The following EBF4 variants were observed in gnomAD, a reference collection of about 807,000 sequenced individuals.
EBF4 encodes the protein transcription factor COE4.
In EBF4, 34 loss-of-function variants were observed where a neutral mutation model predicts 67.1. That is an observed-to-expected ratio of 0.51 (90% CI 0.39 to 0.67). EBF4 has a LOEUF of 0.67. Among genes scored for constraint, EBF4 ranks in the 30% least tolerant of loss-of-function variants. The probability of loss-of-function intolerance (pLI) is 0.00; values close to 1 mark genes in which losing one functional copy is unlikely to be tolerated. For missense variants in EBF4, 837 were observed against 873.3 expected (o/e 0.96, Z 0.52); for synonymous variants, 387 against 377.7 (o/e 1.02, Z -0.29).
In EBF4 at chr20:2,745,041, G is replaced by C. The variant is rs768778937; in HGVS notation, c.558-3508G>C. 6.6e-6 allele frequency among the ~76,000 whole-genome samples: 1 copy of C among 152,186 alleles called. No homozygotes were observed. Among genetic ancestry groups the C allele is most frequent in the Non-Finnish European group, 1.5e-5 (1 of 68,044 alleles). ...ACACTGCAAGGGTTCATGCCGCGTGGGGCTGGTGGCTATAGTAATGGGTAG... is the reference window on the plus strand; with the variant it reads ...ACACTGCAAGGGTTCATGCCGCGTGCGGCTGGTGGCTATAGTAATGGGTAG... On this transcript the variant is annotated intron_variant, in intron 6 of 16. Transcript: ENST00000609451. This position sits in a 1 kb window ranked among gnomAD's most constrained non-coding sequence, Gnocchi z 5.2.
Position 2,744,970 on chromosome 20 carries a change from T to C in EBF4, c.558-3579T>C, listed in dbSNP as rs185911220. On this transcript the variant is annotated intron_variant, in intron 6 of 16. Coordinates refer to ENST00000609451, the Ensembl canonical transcript of EBF4. ...TCTTTTTTTCTAAGTCTTGGAAATC[T>C]GATGTGTGTTTTACACTTACAGCAC... Among the ~76,000 whole-genome samples, 334 of 152,382 alleles carry C rather than the reference T, an allele frequency of 2.2e-3. 1 individual carries two copies. The highest frequency in any genetic ancestry group is 3.9e-3 in the Non-Finnish European group (264 of 68,038).
intron 1 of EBF4, among the ~76,000 whole-genome samples, chr20:2,698,028 C>G (rs1160313110): frequency 6.6e-6 from 1 of 152,210 alleles, no homozygotes; most frequent in Admixed American, 6.5e-5. Flanking sequence ...GATTCTCAGC[C>G]TGGGACCTGG....
intron 1 of EBF4, among the ~76,000 whole-genome samples, chr20:2,697,437 C>T (rs1006408250): frequency 3.0e-4 from 46 of 151,674 alleles, no homozygotes; most frequent in Non-Finnish European, 5.9e-4. Context: ...CCCAGCTACT[C>T]AGGAGGCTGA....
At chr20:2,759,440 A>C, downstream of EBF4, 1 of 214,628 alleles carries the variant, frequency 4.7e-6, no homozygotes, top group South Asian at 8.7e-5. Context: ...TAGCAGCCCC[A>C]CAGGCTTCTC....
At chr20:2,728,139 A>G (rs933661459) in intron 6 of EBF4, among the ~76,000 whole-genome samples, 8 of 152,240 alleles carry the variant, frequency 5.3e-5, no homozygotes, top group East Asian at 1.9e-4. Context: ...CATTTATTGT[A>G]TAAGTTGCAC....
chr20:2,745,780 A>G lies in EBF4; in HGVS notation c.558-2769A>G, dbSNP rs1302433072. ...TTCATGGGTGTGGAAGGATTTACCT[A>G]CCCCGGGTCATGCAGAGAGTCCAGG... On this transcript the variant is annotated intron_variant, in intron 6 of 16. Transcript: ENST00000609451. This position sits in a 1 kb window ranked among gnomAD's most constrained non-coding sequence, Gnocchi z 5.2. Among the ~76,000 whole-genome samples the G allele has an allele frequency of 6.6e-6, 1 of 152,034 alleles. No homozygotes were observed. Among genetic ancestry groups the G allele is most frequent in the African/African-American group, 2.4e-5 (1 of 41,394 alleles).
At position 2,752,233 on chromosome 20, in the gene EBF4, GT is replaced by G; in HGVS notation, c.1322del (p.Val441AlafsTer106). 1 of 1,331,342 alleles carries G rather than the reference GT, an allele frequency of 7.5e-7. No homozygotes were observed. The highest frequency in any genetic ancestry group is 9.6e-7 in the Non-Finnish European group (1 of 1,040,398). The allele number at this position is 1,331,342 out of a possible 1,614,324, so 82.5% of individuals were successfully genotyped here. On this transcript the variant is annotated frameshift_variant, in exon 13 of 17. Transcript: ENST00000609451. LOFTEE classifies it high-confidence loss of function. ...CTTCAGCAGCCCGCTGGCCATCGCC[GT>G]CGGGGACGCCACCCCGGGGCCCGAG... is the stretch of plus-strand genomic sequence containing the variant.
intron 6 of EBF4, among the ~76,000 whole-genome samples, chr20:2,730,399 A>G (rs1368557430): frequency 6.6e-6 from 1 of 152,220 alleles, no homozygotes; most frequent in Non-Finnish European, 1.5e-5. Flanking sequence ...CTATTGTTAT[A>G]AGGACTTCAT....
chr20:2,752,151 G>A (rs1208943148), exon 13 of EBF4: 7 of 1,448,740 alleles, frequency 4.8e-6, no homozygotes, highest in Non-Finnish European at 6.3e-6. Flanking sequence ...GCGCACCCGG[G>A]CCGCTCGCAC....
At chr20:2,719,840 C>T (rs865812205) in intron 6 of EBF4, among the ~76,000 whole-genome samples, 1 of 152,134 alleles carries the variant, frequency 6.6e-6, no homozygotes, top group Non-Finnish European at 1.5e-5. Flanking sequence ...ATTTTGCCTG[C>T]GCTTGTGAAG....
chr20:2,758,832 C>G, intron 15 of EBF4, 77 bp from the exon 16 acceptor site: 1 of 1,328,180 alleles, frequency 7.5e-7, no homozygotes, highest in South Asian at 1.3e-5. Flanking sequence ...CCTGCTGTCT[C>G]CAGCCCAGAG....
At chr20:2,750,742 G>A (rs2088131838) in intron 10 of EBF4, among the ~76,000 whole-genome samples, 1 of 152,172 alleles carries the variant, frequency 6.6e-6, no homozygotes, top group Admixed American at 6.5e-5. Flanking sequence ...GGTGGGTGGG[G>A]TCACGCGGTC....
At chr20:2,710,956 A>G (rs2087535126) in intron 6 of EBF4, among the ~76,000 whole-genome samples, 1 of 152,064 alleles carries the variant, frequency 6.6e-6, no homozygotes, top group African/African-American at 2.4e-5. Flanking sequence ...AGCCTGGCCA[A>G]CAGGGTAAAA....
At chr20:2,741,252 C>T (rs2087963974) in intron 6 of EBF4, among the ~76,000 whole-genome samples, 1 of 152,000 alleles carries the variant, frequency 6.6e-6, no homozygotes, top group Non-Finnish European at 1.5e-5. Context: ...GTCAAGGCTG[C>T]AGTGAGCCAA....
intron 6 of EBF4, among the ~76,000 whole-genome samples, chr20:2,719,138 G>T (rs1255060668): frequency 3.3e-5 from 5 of 152,064 alleles, no homozygotes; most frequent in African/African-American, 1.2e-4. Context: ...TGTCACCCAG[G>T]CTGGAGTGCA....
At chr20:2,742,903 G>A (rs547430854) in intron 6 of EBF4, among the ~76,000 whole-genome samples, 1 of 152,128 alleles carries the variant, frequency 6.6e-6, no homozygotes, top group Admixed American at 6.5e-5. Flanking sequence ...GTCCCTACAG[G>A]GTGTCCCAGG....
intron 6 of EBF4, among the ~76,000 whole-genome samples, chr20:2,710,234 A>G (rs1257138748): frequency 2.6e-5 from 4 of 152,132 alleles, no homozygotes; most frequent in Non-Finnish European, 5.9e-5. Context: ...CTGCAGCCTC[A>G]ATCTCCGAGG....
chr20:2,733,744 G>A (rs193203592), intron 6 of EBF4, among the ~76,000 whole-genome samples: 10 of 150,822 alleles, frequency 6.6e-5, no homozygotes, highest in South Asian at 2.1e-4. Flanking sequence ...TTTGGCTTCC[G>A]TGGGCCATAT....
intron 6 of EBF4, among the ~76,000 whole-genome samples, chr20:2,718,031 G>A (rs1013741626): frequency 1.3e-5 from 2 of 152,020 alleles, no homozygotes; most frequent in African/African-American, 2.4e-5. Context: ...GGCTGGTCTC[G>A]AACTCCTGAC....
Sources: gnomAD v4.1 joint callset for allele counts (sites outside exome capture counted in the v4.1 genomes callset) on GRCh38, gnomAD v4.1.1 for gene constraint, Gnocchi (gnomAD v3.1) non-coding constraint, MANE v1.5 for transcripts, NCBI Gene and HGNC (gene_info 2026-07-23, HGNC 2026-07-21) for gene names.